Variants in EIPR1 observed in about 807,000 individuals in gnomAD.
EIPR1 encodes EARP complex and GARP complex interacting protein 1.
EIPR1 carries 25 observed loss-of-function variants against 48.1 expected under a neutral mutation model. That is an observed-to-expected ratio of 0.52 (90% CI 0.38 to 0.73). The LOEUF is 0.73. EIPR1 is among the 30% of genes least tolerant of loss of function. The pLI, the probability that EIPR1 is intolerant of heterozygous loss-of-function variation, is 0.00. For synonymous variants in EIPR1, 204 were observed against 201.9 expected, an observed-to-expected ratio of 1.01 and a Z score of -0.09; for missense variants, 415 against 506.2, an observed-to-expected ratio of 0.82 and a Z score of 1.73.
At chr2:3,369,311 G>A (rs1018625798) in intron 1 of EIPR1, among the ~76,000 whole-genome samples, 1 of 152,252 alleles carries the variant, frequency 6.6e-6, no homozygotes, top group Non-Finnish European at 1.5e-5. Flanking sequence ...GAGCAACGCA[G>A]AAGACGGGTG....
chr2:3,196,798 T>TCACCATCAGCTC, intron 6 of EIPR1, 83 bp downstream of exon 6: 1 of 1,534,166 alleles, frequency 6.5e-7, no homozygotes, highest in Non-Finnish European at 8.8e-7. Context: ...GGCATGTGGC[T>TCACCATCAGCTC]CACCATCAGC....
At chr2:3,218,194 G>A (rs1459639380) in intron 4 of EIPR1, among the ~76,000 whole-genome samples, 9 of 126,084 alleles carry the variant, frequency 7.1e-5, no homozygotes, top group African/African-American at 1.2e-4. Context: ...GCCCTGATAC[G>A]CTCTAGAGCT....
At chr2:3,201,110 G>A (rs1028114327) in intron 5 of EIPR1, among the ~76,000 whole-genome samples, 1 of 152,204 alleles carries the variant, frequency 6.6e-6, no homozygotes, top group Non-Finnish European at 1.5e-5. Context: ...CTCCCACCCT[G>A]AGCTGGGCCC....
At chr2:3,368,481 C>T (rs768967144) in intron 1 of EIPR1, among the ~76,000 whole-genome samples, 12 of 152,156 alleles carry the variant, frequency 7.9e-5, no homozygotes, top group East Asian at 1.9e-4. Flanking sequence ...CCCTGCTTGC[C>T]GCTGGTCCAT....
chr2:3,234,963 T>C (rs1666354839), intron 4 of EIPR1, among the ~76,000 whole-genome samples: 1 of 152,256 alleles, frequency 6.6e-6, no homozygotes, highest in Admixed American at 6.5e-5. Flanking sequence ...CTTGCTGGGA[T>C]AGGAACTTGA....
intron 3 of EIPR1, among the ~76,000 whole-genome samples, chr2:3,284,847 G>A (rs1371614231): frequency 6.6e-6 from 1 of 152,136 alleles, no homozygotes; most frequent in African/African-American, 2.4e-5. Flanking sequence ...AGAGAAGGTG[G>A]CTGCGAGAGG....
chr2:3,372,593 T>C (rs1659704010), intron 1 of EIPR1, among the ~76,000 whole-genome samples: 1 of 152,198 alleles, frequency 6.6e-6, no homozygotes. Flanking sequence ...CAGAGAATAC[T>C]ACCAACACCT....
chr2:3,356,014 G>A (rs549055451), intron 1 of EIPR1, among the ~76,000 whole-genome samples: 1 of 152,288 alleles, frequency 6.6e-6, no homozygotes, highest in East Asian at 1.9e-4. Context: ...GAGTGCTCTT[G>A]GGAACTATTC....
At chr2:3,227,696 G>GA (rs1200033920) in intron 4 of EIPR1, among the ~76,000 whole-genome samples, 1 of 152,080 alleles carries the variant, frequency 6.6e-6, no homozygotes, top group Non-Finnish European at 1.5e-5. Flanking sequence ...AGGCCTAAGA[G>GA]AAAAAAAATG....
chr2:3,365,634 C>A (rs1218046242), intron 1 of EIPR1, among the ~76,000 whole-genome samples: 1 of 150,170 alleles, frequency 6.7e-6, no homozygotes, highest in Non-Finnish European at 1.5e-5. Context: ...GACCCTGCGG[C>A]CTTCCGCAGT....
At chr2:3,246,425 T>C (rs544391422) in intron 4 of EIPR1, among the ~76,000 whole-genome samples, 90 of 152,266 alleles carry the variant, frequency 5.9e-4, no homozygotes, top group African/African-American at 1.8e-3. Context: ...TCCCCCTGCC[T>C]CAATACCGCC....
At chr2:3,269,259 CT>C (rs1667594822) in intron 3 of EIPR1, among the ~76,000 whole-genome samples, 2 of 93,086 alleles carry the variant, frequency 2.1e-5, no homozygotes, top group Non-Finnish European at 5.0e-5. Flanking sequence ...AGTCATCGCA[CT>C]CAGTCATGGC....
intron 3 of EIPR1, among the ~76,000 whole-genome samples, chr2:3,337,548 G>C (rs1670103964): frequency 6.6e-6 from 1 of 152,172 alleles, no homozygotes; most frequent in Non-Finnish European, 1.5e-5. Context: ...TAAGGTCCCA[G>C]AGCTCCAAGA....
At chr2:3,198,755 T>C (rs547190670) in intron 5 of EIPR1, among the ~76,000 whole-genome samples, 1 of 152,072 alleles carries the variant, frequency 6.6e-6, no homozygotes, top group South Asian at 2.1e-4. Context: ...ACGAATAGGG[T>C]GTGGGTCACA....
chr2:3,287,698 T>G (rs1020532703), intron 3 of EIPR1, among the ~76,000 whole-genome samples: 5 of 151,448 alleles, frequency 3.3e-5, no homozygotes, highest in East Asian at 4.0e-4. Flanking sequence ...TCCAGAAAGC[T>G]CATTCACCAC....
intron 4 of EIPR1, 180 bp from the exon 5 acceptor site, chr2:3,214,428 A>C: frequency 1.9e-6 from 1 of 529,016 alleles, no homozygotes; most frequent in African/African-American, 1.9e-5. Flanking sequence ...TCTCACTGTT[A>C]TGGACTGAAT....
rs760798600 is a variant in EIPR1, at chr2:3,318,288, C to T, written c.259+19729G>A. 2.6e-5 allele frequency among the ~76,000 whole-genome samples: 4 copies of T among 152,204 alleles called. No homozygotes were observed. The East Asian group carries it at 7.7e-4, about 29-fold the overall frequency. ...ATTGGGCTTTGTCTAAGCACCCCCT[C>T]GTGGGCTGAAACCTGGAGGAAGGGC... On this transcript the variant is annotated intron_variant, in intron 3 of 8. Transcript: ENST00000382125.
At chr2:3,375,641 G>GTAC (rs1659851411) in intron 1 of EIPR1, among the ~76,000 whole-genome samples, 1 of 152,160 alleles carries the variant, frequency 6.6e-6, no homozygotes, top group Non-Finnish European at 1.5e-5. Context: ...TAGCAGGTAA[G>GTAC]GGGACTCGAG....
At chr2:3,369,780 C>CCT (rs1194921572) in intron 1 of EIPR1, among the ~76,000 whole-genome samples, 1 of 152,234 alleles carries the variant, frequency 6.6e-6, no homozygotes, top group Non-Finnish European at 1.5e-5. Flanking sequence ...GGCCTGCCTG[C>CCT]CTCTGTAGGC....
Sources: allele counts gnomAD v4.1 joint callset (sites outside exome capture counted in the v4.1 genomes callset), GRCh38; gene constraint gnomAD v4.1.1; transcripts MANE v1.5; gene names NCBI Gene and HGNC (gene_info 2026-07-23, HGNC 2026-07-21).